WWOX: variants seen among roughly 807,000 people sequenced by gnomAD.
WWOX encodes WW domain-containing oxidoreductase.
In WWOX, 69 loss-of-function variants were observed where a neutral mutation model predicts 46.2. That is an observed-to-expected ratio of 1.49 (90% CI 1.23 to 1.82). WWOX has a LOEUF of 1.82. WWOX is among the 40% of genes most tolerant of loss of function. The probability of loss-of-function intolerance (pLI) is 0.00; values close to 1 mark genes in which losing one functional copy is unlikely to be tolerated. For missense variants in WWOX, 919 were observed against 542.6 expected (o/e 1.69, Z -6.89); for synonymous variants, 359 against 202.6 (o/e 1.77, Z -6.56).
In WWOX at chr16:79,025,960, A is replaced by C. The variant is rs1393158900; in HGVS notation, c.1057-185648A>C. On this transcript the variant is annotated intron_variant, in intron 8 of 8. Transcript: ENST00000566780. ...ATAATAGGTGCCTATCACCACGCCGAGCTAATGTTTTTGGATTTTTAGTAG... is the reference window on the plus strand; with the variant it reads ...ATAATAGGTGCCTATCACCACGCCGCGCTAATGTTTTTGGATTTTTAGTAG... Among the ~76,000 whole-genome samples, 5 of 148,384 alleles carry C rather than the reference A, an allele frequency of 3.4e-5. 1 individual carries two copies. The highest frequency in any genetic ancestry group is 1.3e-4 in the African/African-American group (5 of 38,278).
intron 8 of WWOX, among the ~76,000 whole-genome samples, chr16:78,605,612 C>T (rs1044492554): frequency 4.5e-4 from 68 of 152,284 alleles, no homozygotes; most frequent in African/African-American, 1.6e-3. Flanking sequence ...TAATTAACAA[C>T]CCAAATGTTA....
rs573426300 is a variant in WWOX, at chr16:79,112,833, C to A, written c.1057-98775C>A. Reference sequence around the variant, plus strand: ...CTGAGGTGAAGACAGCTCAGGAGACCGTCCAAGGTCAGATTCTGAAGTGAG... The same window carrying A: ...CTGAGGTGAAGACAGCTCAGGAGACAGTCCAAGGTCAGATTCTGAAGTGAG... On this transcript the variant is annotated intron_variant, in intron 8 of 8. Coordinates refer to ENST00000566780, the MANE Select transcript of WWOX (RefSeq NM_016373.4). Among the ~76,000 whole-genome samples the A allele has an allele frequency of 3.3e-5, 5 of 152,132 alleles. No homozygotes were observed. In the East Asian group the frequency reaches 9.6e-4, roughly 29 times the overall value.
At chr16:78,946,022 C>G (rs1206159385) in intron 8 of WWOX, among the ~76,000 whole-genome samples, 1 of 152,172 alleles carries the variant, frequency 6.6e-6, no homozygotes, top group East Asian at 1.9e-4. Context: ...AGCCGCTGAT[C>G]TGCATAGCAC....
chr16:78,115,401 T>C (rs2032728499), intron 4 of WWOX, among the ~76,000 whole-genome samples: 1 of 152,324 alleles, frequency 6.6e-6, no homozygotes, highest in East Asian at 1.9e-4. Flanking sequence ...TATTTTGGTA[T>C]TCAGGGATGA....
intron 8 of WWOX, among the ~76,000 whole-genome samples, chr16:79,182,830 A>C (rs1350017923): frequency 6.6e-6 from 1 of 152,208 alleles, no homozygotes; most frequent in Non-Finnish European, 1.5e-5. Flanking sequence ...TGTTACAGAA[A>C]TATATGTGGG....
At chr16:78,114,777 C>G (rs751391608) in intron 3 of WWOX, among the ~76,000 whole-genome samples, 199 bp from the exon 4 acceptor site, 1 of 152,070 alleles carries the variant, frequency 6.6e-6, no homozygotes, top group Non-Finnish European at 1.5e-5. Flanking sequence ...GGAAAGGATT[C>G]GATGACTATC....
rs1234676268 is a variant in WWOX, at chr16:79,176,208, CAGAA to C, written c.1057-35397_1057-35394del. 6.6e-5 allele frequency among the ~76,000 whole-genome samples: 10 copies of C among 152,196 alleles called. No individual in the cohort carries two copies. In the East Asian group the frequency reaches 1.7e-3, roughly 26 times the overall value. ...AACCCCCAAAGGGGGATTTCTAACA[CAGAA>C]AGCAACATAAGTGGGTAGTCCTGGC... On this transcript the variant is annotated intron_variant, in intron 8 of 8. Transcript: ENST00000566780.
chr16:78,420,471 T>C (rs950791922), intron 6 of WWOX, among the ~76,000 whole-genome samples: 1 of 152,086 alleles, frequency 6.6e-6, no homozygotes, highest in Non-Finnish European at 1.5e-5. Flanking sequence ...TGCTACAACA[T>C]GGATGAACCC....
intron 8 of WWOX, among the ~76,000 whole-genome samples, chr16:79,127,735 C>T (rs2049789487): frequency 6.6e-6 from 1 of 152,134 alleles, no homozygotes. Context: ...CACTAAGCAA[C>T]ATACGACAGT....
At chr16:78,326,829 T>C (rs1159329069) in intron 5 of WWOX, among the ~76,000 whole-genome samples, 2 of 152,158 alleles carry the variant, frequency 1.3e-5, no homozygotes. Flanking sequence ...TTTTAGGAAA[T>C]GTGTTTCTCC....
intron 8 of WWOX, among the ~76,000 whole-genome samples, chr16:79,104,272 T>C (rs188900035): frequency 1.7e-4 from 26 of 152,298 alleles, no homozygotes; most frequent in African/African-American, 6.0e-4. Flanking sequence ...GTAAGGACAT[T>C]AATAATGTTT....
chr16:79,147,602 T>G (rs1162944408), intron 8 of WWOX, among the ~76,000 whole-genome samples: 1 of 152,208 alleles, frequency 6.6e-6, no homozygotes, highest in Non-Finnish European at 1.5e-5. Context: ...TTCTCTGGGA[T>G]AAATGCCCAT....
intron 8 of WWOX, among the ~76,000 whole-genome samples, chr16:78,791,064 T>C (rs1239784582): frequency 6.7e-6 from 1 of 149,580 alleles, no homozygotes; most frequent in Non-Finnish European, 1.5e-5. Flanking sequence ...AAAATCTTCG[T>C]TGTTCTTCAT....
At chr16:78,985,026 C>T (rs1194476345) in intron 8 of WWOX, among the ~76,000 whole-genome samples, 1 of 152,144 alleles carries the variant, frequency 6.6e-6, no homozygotes, top group Non-Finnish European at 1.5e-5. Flanking sequence ...CCAAGTGTTG[C>T]TGAGTCCCTT....
chr16:78,416,522 A>C (rs1026836174), intron 6 of WWOX, among the ~76,000 whole-genome samples: 4 of 152,152 alleles, frequency 2.6e-5, no homozygotes, highest in Non-Finnish European at 5.9e-5. Context: ...GTGAGAGAGG[A>C]AAGGGTTTTC....
intron 8 of WWOX, among the ~76,000 whole-genome samples, chr16:78,475,293 A>T (rs1246640262): frequency 2.0e-5 from 3 of 151,790 alleles, no homozygotes; most frequent in African/African-American, 4.8e-5. Flanking sequence ...GAGAGCAGGG[A>T]CCTCCTTGTG....
At chr16:78,421,216 G>C (rs1043085711) in intron 6 of WWOX, among the ~76,000 whole-genome samples, 4 of 152,166 alleles carry the variant, frequency 2.6e-5, no homozygotes, top group African/African-American at 9.7e-5. Context: ...CTCTCTTACA[G>C]TTTCAGAGAC....
At chr16:78,321,550 G>T (rs9926434) in intron 5 of WWOX, among the ~76,000 whole-genome samples, 1 of 151,654 alleles carries the variant, frequency 6.6e-6, no homozygotes, top group East Asian at 1.9e-4. Flanking sequence ...GTTTGTGGGT[G>T]TGTAGGACTG....
chr16:79,008,754 A>G (rs928455921), intron 8 of WWOX, among the ~76,000 whole-genome samples: 1 of 152,174 alleles, frequency 6.6e-6, no homozygotes, highest in African/African-American at 2.4e-5. Context: ...TGTTGGTTTC[A>G]GCAAACAAAG....
Sources: allele counts gnomAD v4.1 joint callset (sites outside exome capture counted in the v4.1 genomes callset), GRCh38; gene constraint gnomAD v4.1.1; transcripts MANE v1.5; gene names NCBI Gene and HGNC (gene_info 2026-07-23, HGNC 2026-07-21).